The following IL10RB variants were observed in gnomAD, a reference collection of about 807,000 sequenced individuals.
IL10RB encodes interleukin-10 receptor subunit beta.
Under a neutral mutation model 38.7 loss-of-function variants are expected in IL10RB, and 30 were observed. That is an observed-to-expected ratio of 0.78 (90% CI 0.58 to 1.05). The LOEUF (loss-of-function observed/expected upper bound fraction) is 1.05, where lower values mean the gene tolerates loss of function less well. IL10RB is among the 50% of genes least tolerant of loss of function. The pLI is 0.00. For synonymous variants in IL10RB, 142 were observed against 145.9 expected (o/e 0.97, Z 0.19); for missense variants, 328 against 397.1 (o/e 0.83, Z 1.48).
chr21:33,269,653 T>A (rs1251696530), intron 2 of IL10RB, among the ~76,000 whole-genome samples: 2 of 143,556 alleles, frequency 1.4e-5, no homozygotes, highest in African/African-American at 5.1e-5. Context: ...ATTCACCAAT[T>A]TTTTTTTTTT....
intron 6 of IL10RB, among the ~76,000 whole-genome samples, chr21:33,290,414 T>C (rs1989463074): frequency 1.3e-5 from 2 of 152,178 alleles, no homozygotes; most frequent in African/African-American, 4.8e-5. Flanking sequence ...CCGAAAGCCA[T>C]GTGAAAAAAC....
In IL10RB at chr21:33,305,761, G is replaced by A. The variant is rs538252789; in HGVS notation, c.130-3215G>A. ...ATTGTCCCCCACCCTCTGATCTTGG[G>A]CTGATGCCTCCCACTGGTGGAACCC... On this transcript the variant is annotated intron_variant, in intron 1 of 1. Coordinates refer to the IL10RB transcript ENST00000609556. Among the ~76,000 whole-genome samples the A allele has an allele frequency of 2.2e-3, 336 of 152,260 alleles. 1 individual carries two copies. Among genetic ancestry groups the A allele is most frequent in the African/African-American group, 7.9e-3 (329 of 41,540 alleles).
chr21:33,289,859 G>C (rs1031382116), intron 6 of IL10RB, among the ~76,000 whole-genome samples: 7 of 152,170 alleles, frequency 4.6e-5, no homozygotes, highest in African/African-American at 1.4e-4. Context: ...ATGCCTGTAA[G>C]CCTAGCACTT....
In IL10RB at chr21:33,267,608, C is replaced by T. The variant is rs150189783; in HGVS notation, c.50-786C>T. 6.1e-4 allele frequency among the ~76,000 whole-genome samples: 92 copies of T among 151,094 alleles called. 1 individual carries two copies. The Middle Eastern group carries it at 0.017, about 28-fold the overall frequency. On this transcript the variant is annotated intron_variant, in intron 1 of 6. Coordinates refer to ENST00000290200, the MANE Select transcript of IL10RB (RefSeq NM_000628.5). ...TTGCCTCACTGCCACCTCCGCCTCC[C>T]GGGTTCAAGCGATTTTCCTCCCTCA...
chr21:33,289,930 T>A (rs1175351623), intron 6 of IL10RB, among the ~76,000 whole-genome samples: 1 of 152,142 alleles, frequency 6.6e-6, no homozygotes, highest in Admixed American at 6.5e-5. Context: ...CTGGCTAACA[T>A]GGTGAAACCC....
At chr21:33,281,542 G>C (rs1989279428) in intron 4 of IL10RB, among the ~76,000 whole-genome samples, 1 of 152,180 alleles carries the variant, frequency 6.6e-6, no homozygotes, top group Non-Finnish European at 1.5e-5. Context: ...CTGCTGCACT[G>C]CTCCTCTCAC....
chr21:33,278,710 T>C lies in IL10RB; in HGVS notation c.332-1042T>C, dbSNP rs533125915. Among the ~76,000 whole-genome samples the C allele has an allele frequency of 6.4e-4, 98 of 152,364 alleles. 1 individual carries two copies. In the South Asian group the frequency reaches 0.02, roughly 31 times the overall value. ...CTACCCAATATTGGAGATTTGCCTC[T>C]TGAAGTCTATGTATTTTAGTGATAG... On this transcript the variant is annotated intron_variant, in intron 3 of 6. Coordinates refer to ENST00000290200, the MANE Select transcript of IL10RB (RefSeq NM_000628.5).
chr21:33,308,883 G>A (rs963952624), intron 1 of IL10RB: 3 of 152,188 alleles, frequency 2.0e-5, no homozygotes, highest in Admixed American at 6.5e-5. Flanking sequence ...AAACACTAAA[G>A]TTGGCAAACC....
At chr21:33,297,834 A>G (rs560778495), downstream of IL10RB, among the ~76,000 whole-genome samples, 18 of 148,654 alleles carry the variant, frequency 1.2e-4, no homozygotes, top group Admixed American at 6.6e-4. Context: ...AGAAAGAAAG[A>G]AAGGAAAGAA....
At chr21:33,270,038 CTG>C (rs1489739521) in intron 2 of IL10RB, among the ~76,000 whole-genome samples, 1 of 152,164 alleles carries the variant, frequency 6.6e-6, no homozygotes, top group Non-Finnish European at 1.5e-5. Flanking sequence ...TAATATTTCA[CTG>C]TGTATTTCAC....
downstream of IL10RB, among the ~76,000 whole-genome samples, chr21:33,300,858 A>T (rs10854364): frequency 0.2 from 30,808 of 152,108 alleles, 3,221 homozygotes; most frequent in East Asian, 0.39. Context: ...GGGTAAAGTA[A>T]GGCTGAAACC....
intron 6 of IL10RB, among the ~76,000 whole-genome samples, chr21:33,291,737 A>G (rs1042134479): frequency 6.6e-6 from 1 of 152,114 alleles, no homozygotes; most frequent in African/African-American, 2.4e-5. Flanking sequence ...CCCCTTCCAG[A>G]GTGGTGCAAG....
chr21:33,269,917 C>T (rs534120272), intron 2 of IL10RB, among the ~76,000 whole-genome samples: 2 of 152,306 alleles, frequency 1.3e-5, no homozygotes, highest in South Asian at 4.1e-4. Context: ...CTCGGCTTCC[C>T]GAAGTGCTGG....
intron 6 of IL10RB, among the ~76,000 whole-genome samples, chr21:33,293,716 A>G (rs1989533591): frequency 6.6e-6 from 1 of 152,156 alleles, no homozygotes. Context: ...CTGAGGCACA[A>G]GAATCTCTTG....
intron 1 of IL10RB, chr21:33,308,860 G>T (rs2083005202): frequency 6.6e-6 from 1 of 152,206 alleles, no homozygotes; most frequent in African/African-American, 2.4e-5. Flanking sequence ...ACAGGTCCTT[G>T]GGTGACTCCA....
chr21:33,286,161 C>T (rs980470312), intron 5 of IL10RB, among the ~76,000 whole-genome samples: 1 of 152,176 alleles, frequency 6.6e-6, no homozygotes, highest in Non-Finnish European at 1.5e-5. Context: ...CACTTCCATC[C>T]CTCAGACGTT....
chr21:33,299,234 C>T (rs8133680), downstream of IL10RB, among the ~76,000 whole-genome samples: 33,937 of 151,936 alleles, frequency 0.22, 3,920 homozygotes, highest in East Asian at 0.38. Context: ...GTGTCTGTGA[C>T]TTCAATTTCC....
chr21:33,268,760 T>TA (rs1989020917), intron 2 of IL10RB, among the ~76,000 whole-genome samples: 3 of 152,238 alleles, frequency 2.0e-5, no homozygotes, highest in African/African-American at 7.2e-5. Flanking sequence ...TGCTGGCAGA[T>TA]ACAGACATTT....
chr21:33,293,973 T>C lies in IL10RB; in HGVS notation c.805-2211T>C, dbSNP rs8178555. On this transcript the variant is annotated intron_variant, in intron 6 of 6. Coordinates refer to ENST00000290200, the MANE Select transcript of IL10RB (RefSeq NM_000628.5). ...AACTGAGAACCAAAAGGAAACAAAA[T>C]TATTCACCTGCTATTTTTGCTTCTG... is the stretch of plus-strand genomic sequence containing the variant. 1,483 of 471,074 alleles carry C rather than the reference T, an allele frequency of 3.1e-3. 20 individuals are homozygous for C. Among genetic ancestry groups the C allele is most frequent in the African/African-American group, 0.027 (1,363 of 50,174 alleles). 29.2% of individuals were successfully genotyped at this position (471,074 alleles called of 1,614,324 possible).
Sources: allele counts gnomAD v4.1 joint callset (sites outside exome capture counted in the v4.1 genomes callset), GRCh38; gene constraint gnomAD v4.1.1; transcripts MANE v1.5; gene names NCBI Gene and HGNC (gene_info 2026-07-23, HGNC 2026-07-21).